The following IKZF1 variants were observed in gnomAD, a reference collection of about 807,000 sequenced individuals.
The protein encoded by IKZF1 is DNA-binding protein Ikaros.
IKZF1 carries 10 observed loss-of-function variants against 51.7 expected under a neutral mutation model. That is an observed-to-expected ratio of 0.19 (90% CI 0.12 to 0.33). The LOEUF is 0.33. Ranked by LOEUF, IKZF1 falls within the 10% of genes least tolerant of loss-of-function variation. IKZF1 has a pLI of 1.00. For synonymous variants in IKZF1, 280 were observed against 282.3 expected (o/e 0.99, Z 0.08); for missense variants, 484 against 707.5 (o/e 0.68, Z 3.58).
At position 50,400,134 on chromosome 7, in the gene IKZF1, A is replaced by G. The variant is rs2153518237; in HGVS notation, c.1067A>G (p.Glu356Gly). The stretch of plus-strand genomic sequence containing the variant: ...TACCAGCTGCACAAGCCGCTCGCGG[A>G]GGGCACCCCGCGCTCCAACCACTCG... ...PMYQLHKPLAEGTPRSNHSAQ... is the reference protein window; with the variant it reads ...PMYQLHKPLAGGTPRSNHSAQ... The change falls in exon 8 of 8, where the codon GAG becomes GGG. Residue 356 changes from glutamate (E) to glycine (G), a missense_variant. By Grantham distance (98) the Glu-to-Gly change is moderately conservative (BLOSUM62 -2). This residue lies in a region of IKZF1 where 172 missense variants were observed against 192.7 expected (regional missense o/e 0.89). Transcript: ENST00000331340. The surrounding 1 kb of genome is among the most constrained non-coding windows in gnomAD (Gnocchi z 5.4). The G allele has an allele frequency of 2.6e-6, 4 of 1,562,912 alleles. No individual in the cohort carries two copies. The highest frequency in any genetic ancestry group is 3.5e-6 in the Non-Finnish European group (4 of 1,155,428).
chr7:50,383,969 A>T (rs1303513412), intron 5 of IKZF1, among the ~76,000 whole-genome samples: 1 of 152,270 alleles, frequency 6.6e-6, no homozygotes, highest in Non-Finnish European at 1.5e-5. Flanking sequence ...CATTCTGCAC[A>T]GAAGACCTCA....
At chr7:50,393,385 G>C (rs1049266206) in intron 7 of IKZF1, among the ~76,000 whole-genome samples, 2 of 152,186 alleles carry the variant, frequency 1.3e-5, no homozygotes, top group Non-Finnish European at 2.9e-5. Flanking sequence ...ACAGGGGCTG[G>C]TGAGGCCAAG....
rs1256598973 is a variant in IKZF1 at position 50,319,065 on chromosome 7, G to T, written c.4G>T (p.Asp2Tyr). The T allele has an allele frequency of 6.2e-7, 1 of 1,612,972 alleles. No individual in the cohort carries two copies. The highest frequency in any genetic ancestry group is 2.2e-5 in the East Asian group (1 of 44,890). Residue 2 changes from aspartate (D) to tyrosine (Y), a missense_variant, in exon 2 of 8, where the codon GAT becomes TAT. Physicochemically the swap from Asp to Tyr is radical, Grantham distance 160 (BLOSUM62 -3). Transcript: ENST00000331340. MDADEGQDMSQV... is the reference protein window; with the variant it reads MYADEGQDMSQV... ...TTTCTCAGATAACCTGAGGACCATGGATGCTGATGAGGGTCAAGACATGTC... is the reference window on the plus strand; with the variant it reads ...TTTCTCAGATAACCTGAGGACCATGTATGCTGATGAGGGTCAAGACATGTC...
chr7:50,369,450 GCTTT>G (rs1321802537), intron 3 of IKZF1: 24 of 398,512 alleles, frequency 6.0e-5, no homozygotes, highest in South Asian at 3.8e-4. Flanking sequence ...ACTTGGATAT[GCTTT>G]CTGTCTATAT....
chr7:50,375,213 G>C (rs1056542306), intron 3 of IKZF1, among the ~76,000 whole-genome samples: 1 of 152,158 alleles, frequency 6.6e-6, no homozygotes, highest in African/African-American at 2.4e-5. Context: ...CTGAGCTCAG[G>C]AGTTCGAGAG....
intron 3 of IKZF1, among the ~76,000 whole-genome samples, chr7:50,360,244 A>G (rs1804797271): frequency 6.6e-6 from 1 of 151,894 alleles, no homozygotes; most frequent in Non-Finnish European, 1.5e-5. Context: ...GGCTTCTGGA[A>G]TCTTTGAGGC....
In IKZF1 at chr7:50,400,371, A is replaced by G. The variant is rs1817848148; in HGVS notation, c.1304A>G (p.Tyr435Cys). 2 of 1,613,180 alleles carry G rather than the reference A, an allele frequency of 1.2e-6. No individual in the cohort carries two copies. Among genetic ancestry groups the G allele is most frequent in the Non-Finnish European group, 1.7e-6 (2 of 1,179,774 alleles). ...TCGCTCAAGGAGGAGCACCGCGCCT[A>G]CGACCTGCTGCGCGCCGCCTCCGAG... is the stretch of plus-strand genomic sequence containing the variant. ...GLSLKEEHRA[Y>C]DLLRAASENS... Residue 435 changes from tyrosine to cysteine, a missense_variant, in exon 8 of 8, where the codon TAC (tyrosine) becomes TGC (cysteine). By Grantham distance (194) the Tyr-to-Cys change is radical. This residue lies in a region of IKZF1 where 72 missense variants were observed against 67.5 expected (regional missense o/e 1.07). Coordinates refer to ENST00000331340, the MANE Select transcript of IKZF1 (RefSeq NM_006060.6). The surrounding 1 kb of genome is among the most constrained non-coding windows in gnomAD (Gnocchi z 5.4).
At chr7:50,309,140 C>T (rs1365542154) in intron 1 of IKZF1, among the ~76,000 whole-genome samples, 3 of 152,216 alleles carry the variant, frequency 2.0e-5, no homozygotes, top group South Asian at 2.1e-4. Flanking sequence ...CGCGGGGCCA[C>T]GGCTTAACAA....
intron 1 of IKZF1, among the ~76,000 whole-genome samples, chr7:50,314,142 G>A (rs1035372668): frequency 2.6e-5 from 4 of 151,518 alleles, no homozygotes; most frequent in African/African-American, 9.7e-5. Flanking sequence ...TTTTCATCTC[G>A]CTCTGTCGCC....
At chr7:50,334,248 G>C (rs1371953709) in intron 3 of IKZF1, among the ~76,000 whole-genome samples, 1 of 152,188 alleles carries the variant, frequency 6.6e-6, no homozygotes. Context: ...TTTTGGAATA[G>C]ACCGGTGAGA....
chr7:50,395,877 C>A (rs772828317), intron 7 of IKZF1, among the ~76,000 whole-genome samples: 13 of 152,114 alleles, frequency 8.5e-5, no homozygotes, highest in Non-Finnish European at 1.6e-4. Context: ...TTCTTTTTCT[C>A]CCTTGAGAAC....
At chr7:50,334,298 A>G (rs889106669) in intron 3 of IKZF1, among the ~76,000 whole-genome samples, 3 of 152,156 alleles carry the variant, frequency 2.0e-5, no homozygotes, top group Non-Finnish European at 4.4e-5. Context: ...TGGAAAACTG[A>G]AATTGATGTG....
intron 6 of IKZF1, among the ~76,000 whole-genome samples, chr7:50,387,936 A>G (rs1442813498): frequency 1.3e-5 from 2 of 152,238 alleles, no homozygotes; most frequent in South Asian, 2.1e-4. Context: ...AGGGCAGGGT[A>G]TCCACTCCTG....
intron 3 of IKZF1, chr7:50,367,834 A>C (rs1807412837): frequency 1.7e-6 from 1 of 591,164 alleles, no homozygotes; most frequent in Non-Finnish European, 3.0e-6. Context: ...TTCATGAGTA[A>C]TTACTTTTCT....
rs552197787 is a variant in IKZF1 at position 50,364,753 on chromosome 7, T to C, written c.161-11780T>C. ...CTGCACAGACCTGGGGCCAGCTGGC[T>C]CCTAGAGTGCGAGGAGCTCTCAGTG... is the stretch of plus-strand genomic sequence containing the variant. On this transcript the variant is annotated intron_variant, in intron 3 of 7. Transcript: ENST00000331340. Among the ~76,000 whole-genome samples, 4 of 152,326 alleles carry C rather than the reference T, an allele frequency of 2.6e-5. No individual in the cohort carries two copies. In the South Asian group the frequency reaches 6.2e-4, roughly 24 times the overall value.
chr7:50,320,602 C>T (rs977849301), intron 2 of IKZF1, among the ~76,000 whole-genome samples: 5 of 152,168 alleles, frequency 3.3e-5, no homozygotes, highest in Admixed American at 3.3e-4. Context: ...CCTTTCCAGC[C>T]TCTATTAGCC....
At chr7:50,387,916 G>A (rs1406280245) in intron 6 of IKZF1, among the ~76,000 whole-genome samples, 9 of 152,208 alleles carry the variant, frequency 5.9e-5, no homozygotes, top group African/African-American at 2.2e-4. Flanking sequence ...TTAAGCATCA[G>A]TTCAGACTGA....
rs1585042673 is a variant in IKZF1 at position 50,401,029 on chromosome 7, C to T, written c.*402C>T. On this transcript the variant is annotated 3_prime_UTR_variant, in exon 8 of 8. Coordinates refer to ENST00000331340, the MANE Select transcript of IKZF1 (RefSeq NM_006060.6). The stretch of plus-strand genomic sequence containing the variant: ...TGTGCTAAGCACGGGGTTCGCGCAC[C>T]AGGTGTCTTTTTCCAGTCCCCAGAA... 1.6e-5 allele frequency: 5 copies of T among 321,848 alleles called. No homozygotes were observed. In the Admixed American group the frequency reaches 2.4e-4, roughly 16 times the overall value. 19.9% of individuals were successfully genotyped at this position (321,848 alleles called of 1,614,324 possible).
intron 3 of IKZF1, among the ~76,000 whole-genome samples, chr7:50,332,989 C>T (rs970417622): frequency 6.6e-6 from 1 of 151,702 alleles, no homozygotes; most frequent in Admixed American, 6.6e-5. Flanking sequence ...GCTCTAGGCT[C>T]CCTGGCAGCA....
Sources: gnomAD v4.1 joint callset for allele counts (sites outside exome capture counted in the v4.1 genomes callset) on GRCh38, gnomAD v4.1.1 for gene constraint, gnomAD v4.1.1 regional missense constraint, Gnocchi (gnomAD v3.1) non-coding constraint, MANE v1.5 for transcripts, NCBI Gene and HGNC (gene_info 2026-07-23, HGNC 2026-07-21) for gene names.